Variants in SLC7A11 observed in about 807,000 individuals in gnomAD.
The protein encoded by SLC7A11 is solute carrier family 7 member 11.
Under a neutral mutation model 54.5 loss-of-function variants are expected in SLC7A11, and 35 were observed. The observed-to-expected ratio is 0.64, with a 90% CI of 0.49 to 0.85. The LOEUF (loss-of-function observed/expected upper bound fraction) is 0.85. Ranked by LOEUF, SLC7A11 falls within the 40% of genes least tolerant of loss-of-function variation. SLC7A11 has a pLI of 0.00. For missense variants in SLC7A11, 583 were observed against 618.1 expected, an observed-to-expected ratio of 0.94 and a Z score of 0.60; for synonymous variants, 230 against 225.2, an observed-to-expected ratio of 1.02 and a Z score of -0.19.
Position 138,185,230 on chromosome 4 carries a change from G to A in SLC7A11, c.806C>T (p.Ala269Val). 1.9e-6 allele frequency: 3 copies of A among 1,612,640 alleles called. No homozygotes were observed. Among genetic ancestry groups the A allele is most frequent in the Non-Finnish European group, 2.5e-6 (3 of 1,178,968 alleles). Reference protein sequence around the residue: ...VENPEKTIPLAICISMAIVTI... With the variant: ...VENPEKTIPLVICISMAIVTI... Reference sequence around the variant, plus strand: ...GACAATGGCCATGGATATACATATTGCAAGGGGAATGGTTCTGAAATGCAC... The same window carrying A: ...GACAATGGCCATGGATATACATATTACAAGGGGAATGGTTCTGAAATGCAC... The change falls in exon 7 of 12, where the codon GCA (alanine) becomes GTA (valine). Residue 269 changes from alanine (A) to valine (V), a missense_variant. Coordinates refer to ENST00000280612, the MANE Select transcript of SLC7A11 (RefSeq NM_014331.4).
At chr4:138,176,797 G>A (rs1736581077) in intron 11 of SLC7A11, 1 of 152,162 alleles carries the variant, frequency 6.6e-6, no homozygotes, top group Non-Finnish European at 1.5e-5. Flanking sequence ...TCACAGCGAT[G>A]AGTGCTAATC....
At position 138,231,064 on chromosome 4, in the gene SLC7A11, T is replaced by A. The variant is rs146753489; in HGVS notation, c.520+1203A>T. On this transcript the variant is annotated intron_variant, in intron 3 of 11. Coordinates refer to ENST00000280612, the MANE Select transcript of SLC7A11 (RefSeq NM_014331.4). ...CATGGATGGAACTGGAAGTCACTATTTTAAGTGGAATTAAAGAAAAAGAAA... is the reference window on the plus strand; with the variant it reads ...CATGGATGGAACTGGAAGTCACTATATTAAGTGGAATTAAAGAAAAAGAAA... Among the ~76,000 whole-genome samples, 847 of 152,286 alleles carry A rather than the reference T, an allele frequency of 5.6e-3. 9 individuals are homozygous for A. The highest frequency in any genetic ancestry group is 0.02 in the African/African-American group (814 of 41,566).
At chr4:138,201,775 T>C (rs1264762393) in intron 6 of SLC7A11, among the ~76,000 whole-genome samples, 6 of 152,058 alleles carry the variant, frequency 3.9e-5, no homozygotes, top group African/African-American at 1.4e-4. Flanking sequence ...TAAATAAGTA[T>C]CTACTATGAG....
chr4:138,186,348 CAG>C (rs763751691), intron 6 of SLC7A11, among the ~76,000 whole-genome samples: 123 of 152,238 alleles, frequency 8.1e-4, no homozygotes, highest in African/African-American at 2.5e-3. Context: ...AGTTCAGAAT[CAG>C]GGGGGAAAAG....
chr4:138,211,015 G>T (rs1458222619), intron 6 of SLC7A11, among the ~76,000 whole-genome samples: 1 of 151,856 alleles, frequency 6.6e-6, no homozygotes, highest in Non-Finnish European at 1.5e-5. Context: ...TCAAAAGTGG[G>T]TTGGATAAAG....
Position 138,214,209 on chromosome 4 carries a change from T to C in SLC7A11, c.791+376A>G, listed in dbSNP as rs1737625261. On this transcript the variant is annotated intron_variant, in intron 6 of 11. Transcript: ENST00000280612. ...TTATGAAAAAAGATTACATGAATTG[T>C]TAGAAATAATTAACTTTTTGAGTTC... is the stretch of plus-strand genomic sequence containing the variant. Among the ~76,000 whole-genome samples, 5 of 152,188 alleles carry C rather than the reference T, an allele frequency of 3.3e-5. No individual in the cohort carries two copies. In the South Asian group the frequency reaches 8.3e-4, roughly 25 times the overall value.
chr4:138,201,498 T>C (rs1737285858), intron 6 of SLC7A11, among the ~76,000 whole-genome samples: 1 of 152,092 alleles, frequency 6.6e-6, no homozygotes, highest in Non-Finnish European at 1.5e-5. Context: ...TATAAAAATA[T>C]TGTATGTTCT....
chr4:138,241,797 T>C lies in SLC7A11; in HGVS notation c.273A>G (p.Leu91=). ...TIWTVCGVLS[L]FGALSYAELG... ...GAGAGAAAAAGTCGCACTCACCAAA[T>C]AGTGACAGGACCCCACACACCGTCC... Residue 91 remains leucine, a synonymous_variant, in exon 1 of 12, where the codon CTA becomes CTG. Coordinates refer to ENST00000280612, the MANE Select transcript of SLC7A11 (RefSeq NM_014331.4). 6.2e-7 allele frequency: 1 copy of C among 1,612,306 alleles called. No individual in the cohort carries two copies. Among genetic ancestry groups the C allele is most frequent in the Non-Finnish European group, 8.5e-7 (1 of 1,178,688 alleles).
chr4:138,236,541 C>G (rs968330422), intron 1 of SLC7A11, 90 bp from the exon 2 acceptor site: 3 of 1,261,914 alleles, frequency 2.4e-6, no homozygotes, highest in Non-Finnish European at 3.3e-6. Context: ...TTATATGTTG[C>G]CTGAGATGTA....
At position 138,170,229 on chromosome 4, in the gene SLC7A11, A is replaced by ATATATATATATATATAT. The variant is rs1491323495; in HGVS notation, c.*1726_*1727insATATATATATATATATA. ...ACTATATATATATATATATATATATAAAAAGTGTGTGTGTGTGTGTGTATA... is the reference window on the plus strand; with the variant it reads ...ACTATATATATATATATATATATATATATATATATATATATATAAAAGTGTGTGTGTGTGTGTGTATA... On this transcript the variant is annotated 3_prime_UTR_variant, in exon 12 of 12. Coordinates refer to ENST00000280612, the MANE Select transcript of SLC7A11 (RefSeq NM_014331.4). 5 of 111,618 alleles carry ATATATATATATATATAT rather than the reference A, an allele frequency of 4.5e-5. No homozygotes were observed. Among genetic ancestry groups the ATATATATATATATATAT allele is most frequent in the African/African-American group, 9.6e-5 (3 of 31,372 alleles). 6.9% of individuals were successfully genotyped at this position (111,618 alleles called of 1,614,324 possible).
At chr4:138,194,315 A>G (rs574193059) in intron 6 of SLC7A11, among the ~76,000 whole-genome samples, 10 of 152,270 alleles carry the variant, frequency 6.6e-5, no homozygotes, top group African/African-American at 2.2e-4. Context: ...AAAGATTCAT[A>G]TTCCCCGCAG....
chr4:138,218,188 G>GGA (rs1737724336), intron 5 of SLC7A11, among the ~76,000 whole-genome samples: 1 of 151,732 alleles, frequency 6.6e-6, no homozygotes. Flanking sequence ...TCCATGCATC[G>GGA]GCTAGAAGGT....
In SLC7A11 at chr4:138,179,382, T is replaced by G; in HGVS notation, c.1279A>C (p.Ile427Leu). 1 of 1,611,734 alleles carries G rather than the reference T, an allele frequency of 6.2e-7. No homozygotes were observed. The highest frequency in any genetic ancestry group is 1.1e-5 in the South Asian group (1 of 90,908). ...MHRPFKVPLF[I>L]PALFSFTCLF... ...CATGTGAAGGAAAACAAAGCTGGGA[T>G]GAACAGTGGCACCTGGAACACAGAA... Residue 427 changes from isoleucine to leucine, a missense_variant, in exon 11 of 12, where the codon ATC (isoleucine) becomes CTC (leucine). By Grantham distance (5) the Ile-to-Leu change is conservative (BLOSUM62 2). Transcript: ENST00000280612.
chr4:138,237,367 G>GT (rs1364733251), intron 1 of SLC7A11, among the ~76,000 whole-genome samples: 1 of 151,024 alleles, frequency 6.6e-6, no homozygotes, highest in Non-Finnish European at 1.5e-5. Context: ...TATCTTGGAT[G>GT]TTTTTTGAAG....
chr4:138,213,537 CTCTCTCTA>C (rs1187599514), intron 6 of SLC7A11, among the ~76,000 whole-genome samples: 5 of 145,094 alleles, frequency 3.4e-5, no homozygotes, highest in South Asian at 2.1e-4. Flanking sequence ...TTTCTCCTCT[CTCTCTCTA>C]TCTCTCTCTC....
chr4:138,180,232 A>C (rs1446383205), intron 10 of SLC7A11, among the ~76,000 whole-genome samples: 3 of 152,130 alleles, frequency 2.0e-5, no homozygotes, highest in Non-Finnish European at 2.9e-5. Flanking sequence ...TATTTTGTAA[A>C]GGCAAATTCC....
In SLC7A11 at chr4:138,208,774, A is replaced by G. The variant is rs574266019; in HGVS notation, c.791+5811T>C. On this transcript the variant is annotated intron_variant, in intron 6 of 11. Transcript: ENST00000280612. ...AATTTGTGGAGTCAGCCATAATGTT[A>G]TAGATAATTGGTAAAGGCAATACTC... is the stretch of plus-strand genomic sequence containing the variant. Among the ~76,000 whole-genome samples, 22 of 133,794 alleles carry G rather than the reference A, an allele frequency of 1.6e-4. No homozygotes were observed. In the South Asian group the frequency reaches 5.8e-3, roughly 35 times the overall value. 87.8% of individuals were successfully genotyped at this position (133,794 alleles called of 152,430 possible).
chr4:138,214,965 T>C (rs970793791), intron 5 of SLC7A11, among the ~76,000 whole-genome samples: 9 of 152,130 alleles, frequency 5.9e-5, no homozygotes, highest in Non-Finnish European at 7.4e-5. Context: ...TAGCCCAACC[T>C]GGTAGGTCAA....
intron 6 of SLC7A11, among the ~76,000 whole-genome samples, chr4:138,212,182 T>G (rs749222288): frequency 4.0e-5 from 6 of 151,840 alleles, no homozygotes; most frequent in Non-Finnish European, 8.8e-5. Flanking sequence ...AGATCAAAAA[T>G]GCATATGAGG....
Sources: gnomAD v4.1 joint callset for allele counts (sites outside exome capture counted in the v4.1 genomes callset) on GRCh38, gnomAD v4.1.1 for gene constraint, MANE v1.5 for transcripts, NCBI Gene and HGNC (gene_info 2026-07-23, HGNC 2026-07-21) for gene names.